The following RAB7A variants were observed in gnomAD, a reference collection of about 807,000 sequenced individuals.
RAB7A encodes RAB7A, member RAS oncogene family.
A neutral mutation model predicts 24.5 loss-of-function variants in RAB7A; 2 were observed. The observed-to-expected ratio is 0.08, with a 90% confidence interval of 0.03 to 0.26. The LOEUF is 0.26. Ranked by LOEUF, RAB7A falls within the 10% of genes least tolerant of loss-of-function variation. The pLI, the probability that RAB7A is intolerant of heterozygous loss-of-function variation, is 1.00. For missense variants in RAB7A, 118 were observed against 255.7 expected (o/e 0.46, Z 3.67); for synonymous variants, 100 against 95.9 (o/e 1.04, Z -0.25).
At chr3:128,781,771 T>A (rs1156395773) in intron 1 of RAB7A, among the ~76,000 whole-genome samples, 1 of 151,672 alleles carries the variant, frequency 6.6e-6, no homozygotes, top group African/African-American at 2.4e-5. Flanking sequence ...CCCAGCACTT[T>A]GGGAGGCCGA....
intron 1 of RAB7A, among the ~76,000 whole-genome samples, chr3:128,739,422 A>G (rs1371873318): frequency 6.6e-6 from 1 of 151,882 alleles, no homozygotes; most frequent in Non-Finnish European, 1.5e-5. Flanking sequence ...GTAAGGCAGG[A>G]GAATTGCTTG....
intron 1 of RAB7A, among the ~76,000 whole-genome samples, chr3:128,784,344 C>T (rs1053846600): frequency 1.3e-5 from 2 of 152,164 alleles, no homozygotes; most frequent in Non-Finnish European, 2.9e-5. Context: ...CCATACCCAT[C>T]CCAATCCAAT....
At chr3:128,736,999 G>A (rs1442445681) in intron 1 of RAB7A, among the ~76,000 whole-genome samples, 1 of 151,892 alleles carries the variant, frequency 6.6e-6, no homozygotes, top group East Asian at 1.9e-4. Flanking sequence ...TGTGTTGCCC[G>A]TCTTTACTCA....
intron 1 of RAB7A, among the ~76,000 whole-genome samples, chr3:128,759,349 C>T (rs572531210): frequency 2.6e-5 from 4 of 152,238 alleles, no homozygotes; most frequent in African/African-American, 7.2e-5. Context: ...TTCCTTTCCC[C>T]GATTATCCCA....
At chr3:128,757,581 A>G (rs1246853759) in intron 1 of RAB7A, among the ~76,000 whole-genome samples, 1 of 148,078 alleles carries the variant, frequency 6.8e-6, no homozygotes, top group Non-Finnish European at 1.5e-5. Context: ...GTATAGTGGC[A>G]TGATCTCAGC....
intron 1 of RAB7A, 100 bp from the exon 2 acceptor site, chr3:128,795,260 G>A: frequency 3.1e-6 from 3 of 970,068 alleles, no homozygotes; most frequent in South Asian, 1.3e-5. Context: ...AAGGTTCAGG[G>A]CCCTGCACTG....
At chr3:128,804,114 G>GCT (rs1553722988) in intron 3 of RAB7A, among the ~76,000 whole-genome samples, 2 of 146,878 alleles carry the variant, frequency 1.4e-5, no homozygotes, top group African/African-American at 5.2e-5. Flanking sequence ...ACCTCCCTGG[G>GCT]CCCCCCCCCG....
chr3:128,767,141 CG>C (rs1272677036), intron 1 of RAB7A, among the ~76,000 whole-genome samples: 1 of 152,140 alleles, frequency 6.6e-6, no homozygotes, highest in African/African-American at 2.4e-5. Flanking sequence ...ACTTAAAATC[CG>C]AGTGGCTCAG....
At chr3:128,812,022 A>G (rs1186394705) in intron 5 of RAB7A, among the ~76,000 whole-genome samples, 1 of 152,164 alleles carries the variant, frequency 6.6e-6, no homozygotes, top group Non-Finnish European at 1.5e-5. Flanking sequence ...GGAAGGAACT[A>G]CTAATGGGCA....
At chr3:128,798,130 C>A in intron 3 of RAB7A, 61 bp downstream of exon 3, 1 of 1,582,540 alleles carries the variant, frequency 6.3e-7, no homozygotes, top group South Asian at 1.1e-5. Flanking sequence ...CTTAATCTTT[C>A]CTCATGCATA....
In RAB7A at chr3:128,809,936, C is replaced by CTTTTTTTTTTTTTTTTTTTTTTTT. The variant is rs869119619; in HGVS notation, c.528+2272_528+2295dup. Among the ~76,000 whole-genome samples the CTTTTTTTTTTTTTTTTTTTTTTTT allele has an allele frequency of 1.8e-3, 96 of 52,256 alleles. 24 individuals carry two copies. Among genetic ancestry groups the CTTTTTTTTTTTTTTTTTTTTTTTT allele is most frequent in the Non-Finnish European group, 2.7e-3 (80 of 29,580 alleles). 34.3% of individuals were successfully genotyped at this position (52,256 alleles called of 152,430 possible). A position where few individuals can be genotyped will look rare whatever the true frequency, so the allele number is the denominator to read the frequency against. ...GAGGCAAGTTTCCTCTTGCCACAGT[C>CTTTTTTTTTTTTTTTTTTTTTTTT]TTTTTTTTTTTTTTTTTTTTTTTTT... On this transcript the variant is annotated intron_variant, in intron 5 of 5. Transcript: ENST00000265062.
chr3:128,812,249 G>A (rs1378977563), intron 5 of RAB7A, among the ~76,000 whole-genome samples: 1 of 152,142 alleles, frequency 6.6e-6, no homozygotes, highest in Admixed American at 6.5e-5. Context: ...TGAGTAGCTG[G>A]GATTATAGGT....
At chr3:128,743,217 T>C (rs569021021) in intron 1 of RAB7A, among the ~76,000 whole-genome samples, 394 of 152,214 alleles carry the variant, frequency 2.6e-3, no homozygotes, top group African/African-American at 9.1e-3. Flanking sequence ...CCACTCCGAG[T>C]GTGGGGCCCT....
At chr3:128,746,392 C>T (rs1443044021) in intron 1 of RAB7A, among the ~76,000 whole-genome samples, 1 of 152,208 alleles carries the variant, frequency 6.6e-6, no homozygotes, top group Non-Finnish European at 1.5e-5. Context: ...TCTGCCTCAG[C>T]CTCTCAATGA....
At chr3:128,795,751 C>CTTTTGTTTTTTTTTTTT (rs1933555372) in intron 2 of RAB7A, among the ~76,000 whole-genome samples, 1 of 43,032 alleles carries the variant, frequency 2.3e-5, no homozygotes, top group African/African-American at 6.3e-5. Flanking sequence ...AGCAGATGTG[C>CTTTTGTTTTTTTTTTTT]TTTTTTTTTT....
intron 1 of RAB7A, among the ~76,000 whole-genome samples, chr3:128,730,699 A>G (rs9874567): frequency 0.054 from 8,149 of 152,260 alleles, 636 homozygotes; most frequent in African/African-American, 0.17. Flanking sequence ...AAGAATAGCT[A>G]CTTGCAAAAT....
chr3:128,726,767 A>G (rs2070384793), intron 1 of RAB7A, among the ~76,000 whole-genome samples: 2 of 152,134 alleles, frequency 1.3e-5, no homozygotes, highest in Admixed American at 6.5e-5. Flanking sequence ...CCCGGCGGGC[A>G]TGGGTCACAG....
intron 1 of RAB7A, among the ~76,000 whole-genome samples, chr3:128,766,498 AG>A (rs1191260092): frequency 1.6e-4 from 25 of 152,294 alleles, no homozygotes; most frequent in Non-Finnish European, 8.8e-5. Context: ...TCAACTACCA[AG>A]AAGGTTTGAA....
At chr3:128,743,247 G>A (rs757266442) in intron 1 of RAB7A, among the ~76,000 whole-genome samples, 4 of 152,182 alleles carry the variant, frequency 2.6e-5, no homozygotes, top group Non-Finnish European at 5.9e-5. Context: ...CACCCACCCG[G>A]AACTCCCGCT....
Sources: gnomAD v4.1 joint callset for allele counts (sites outside exome capture counted in the v4.1 genomes callset) on GRCh38, gnomAD v4.1.1 for gene constraint, MANE v1.5 for transcripts, NCBI Gene and HGNC (gene_info 2026-07-23, HGNC 2026-07-21) for gene names.